PLAC1: variants seen among roughly 807,000 people sequenced by gnomAD.
The protein encoded by PLAC1 is placenta-specific protein 1.
For missense variants in PLAC1, 136 were observed against 163.2 expected (o/e 0.83, Z 0.91); for synonymous variants, 68 against 62.1 (o/e 1.09, Z -0.44).
chrX:134,672,269 G>T (rs762051078), intron 2 of PLAC1, among the ~76,000 whole-genome samples: 1 of 111,143 alleles, frequency 9.0e-6, no homozygotes, highest in South Asian at 3.9e-4. Flanking sequence ...AGATAACCTC[G>T]CAGGGTCCCC....
intron 2 of PLAC1, among the ~76,000 whole-genome samples, chrX:134,684,520 C>T (rs953731185): frequency 9.0e-6 from 1 of 110,502 alleles, no homozygotes; most frequent in Non-Finnish European, 1.9e-5. Context: ...CTTACATCCT[C>T]GAAAGACAGG....
At position 134,584,039 on chromosome X, in the gene PLAC1, G is replaced by T. The variant is rs753116405; in HGVS notation, c.-58-17299C>A. On this transcript the variant is annotated intron_variant, in intron 2 of 2. Coordinates refer to ENST00000359237, the MANE Select transcript of PLAC1 (RefSeq NM_021796.4). ...GAATGAAAAAAAAAAAAAAGAGGTT[G>T]CAGGCAGGCATCTGGGCAGGCAGAG... is the stretch of plus-strand genomic sequence containing the variant. Among the ~76,000 whole-genome samples the T allele has an allele frequency of 2.4e-3, 263 of 108,898 alleles. 3 individuals carry two copies. The highest frequency in any genetic ancestry group is 8.3e-3 in the African/African-American group (248 of 30,046). The allele number at this position is 108,898 out of a possible 115,157, so 94.6% of individuals were successfully genotyped here.
At chrX:134,585,174 A>AG (rs2077993360) in intron 2 of PLAC1, among the ~76,000 whole-genome samples, 1 of 71,229 alleles carries the variant, frequency 1.4e-5, no homozygotes, top group African/African-American at 4.8e-5. Flanking sequence ...CACTAAAAGT[A>AG]CAAAAAAAAA....
intron 2 of PLAC1, among the ~76,000 whole-genome samples, chrX:134,704,644 T>C (rs1283549002): frequency 3.8e-5 from 4 of 105,837 alleles, no homozygotes; most frequent in Non-Finnish European, 7.7e-5. Context: ...ATTTATATAT[T>C]ATATAATATT....
At chrX:134,587,296 T>C (rs1397769422) in intron 2 of PLAC1, among the ~76,000 whole-genome samples, 1 of 110,465 alleles carries the variant, frequency 9.1e-6, no homozygotes, top group African/African-American at 3.3e-5. Flanking sequence ...CTGGGGCCTA[T>C]AATGCCAGCA....
intron 1 of PLAC1, among the ~76,000 whole-genome samples, chrX:134,763,568 C>T (rs1019414877): frequency 9.9e-5 from 11 of 111,195 alleles, no homozygotes; most frequent in Admixed American, 9.6e-4. Context: ...CGCCTATAAT[C>T]CCAGCACTTT....
intron 2 of PLAC1, among the ~76,000 whole-genome samples, chrX:134,583,971 G>A (rs1424715274): frequency 1.8e-5 from 2 of 108,225 alleles, no homozygotes; most frequent in Non-Finnish European, 3.8e-5. Context: ...GCCCATGCCT[G>A]AAATAGGTGT....
chrX:134,688,702 A>G (rs1203878493), intron 2 of PLAC1, among the ~76,000 whole-genome samples: 4 of 112,100 alleles, frequency 3.6e-5, no homozygotes, highest in African/African-American at 9.7e-5. Context: ...TTACACCACA[A>G]TTTCTTTATG....
chrX:134,619,456 G>T (rs1241318575), intron 1 of PLAC1, among the ~76,000 whole-genome samples: 1 of 110,600 alleles, frequency 9.0e-6, no homozygotes, highest in African/African-American at 3.3e-5. Context: ...TTCAAGACCA[G>T]CCTGGCCAAC....
chrX:134,612,389 C>G (rs900543661), intron 1 of PLAC1, among the ~76,000 whole-genome samples: 2 of 112,201 alleles, frequency 1.8e-5, no homozygotes, highest in Non-Finnish European at 3.8e-5. Context: ...AGGAAGCTCT[C>G]AATACATAGG....
chrX:134,566,625 C>G lies in PLAC1; in HGVS notation c.58G>C (p.Gly20Arg). ...MILLTSAFSA[G>R]SGQSPMTVLC... ...ACAGTCATTGGACTTTGTCCTGAACCGGCTGAAAACGCAGAGGTGAGGAGG... is the reference window on the plus strand; with the variant it reads ...ACAGTCATTGGACTTTGTCCTGAACGGGCTGAAAACGCAGAGGTGAGGAGG... Residue 20 changes from glycine (G) to arginine (R), a missense_variant, in exon 3 of 3, where the codon GGT becomes CGT. Gly to Arg is a moderately radical substitution (Grantham distance 125). Coordinates refer to ENST00000359237, the MANE Select transcript of PLAC1 (RefSeq NM_021796.4). 1.7e-6 allele frequency: 2 copies of G among 1,207,455 alleles called. No homozygotes were observed. The highest frequency in any genetic ancestry group is 2.2e-6 in the Non-Finnish European group (2 of 892,252).
chrX:134,618,077 T>C (rs1021722424), intron 1 of PLAC1, among the ~76,000 whole-genome samples: 1 of 112,214 alleles, frequency 8.9e-6, no homozygotes, highest in African/African-American at 3.2e-5. Flanking sequence ...CTGCACCAAT[T>C]GTTCCTCCCT....
chrX:134,659,843 C>T (rs2078409198), upstream of PLAC1, among the ~76,000 whole-genome samples: 1 of 111,779 alleles, frequency 8.9e-6, no homozygotes. Flanking sequence ...AACTGAAGAA[C>T]AGAGAGATTA....
At chrX:134,653,111 G>A (rs2078372084) in intron 1 of PLAC1, among the ~76,000 whole-genome samples, 1 of 112,651 alleles carries the variant, frequency 8.9e-6, no homozygotes, top group Non-Finnish European at 1.9e-5. Context: ...CAGTCCAGGT[G>A]TGCCTGTGGG....
chrX:134,635,147 T>C (rs1173350013), intron 1 of PLAC1, among the ~76,000 whole-genome samples: 1 of 111,565 alleles, frequency 9.0e-6, no homozygotes, highest in Non-Finnish European at 1.9e-5. Context: ...GCAAGTATTT[T>C]TTACACTTGC....
intron 1 of PLAC1, among the ~76,000 whole-genome samples, chrX:134,749,363 C>T (rs1162986598): frequency 3.6e-5 from 4 of 111,619 alleles, no homozygotes; most frequent in South Asian, 3.8e-4. Flanking sequence ...GGCACGGTGA[C>T]GTTTGCCTGT....
At chrX:134,624,989 A>C (rs1304598981) in intron 1 of PLAC1, among the ~76,000 whole-genome samples, 1 of 111,753 alleles carries the variant, frequency 8.9e-6, no homozygotes, top group Non-Finnish European at 1.9e-5. Context: ...TCCTAGGTGC[A>C]ACTACAGCTA....
chrX:134,655,600 G>C (rs1020064444), intron 1 of PLAC1, among the ~76,000 whole-genome samples: 3 of 111,707 alleles, frequency 2.7e-5, no homozygotes, highest in Non-Finnish European at 3.8e-5. Context: ...TTTGTGTATT[G>C]CATCTACTTA....
At chrX:134,705,168 C>G (rs1403714490) in intron 2 of PLAC1, among the ~76,000 whole-genome samples, 1 of 106,248 alleles carries the variant, frequency 9.4e-6, no homozygotes, top group Non-Finnish European at 1.9e-5. Flanking sequence ...CGCCTGTAAT[C>G]CCAGCACTTT....
Sources: gnomAD v4.1 joint callset for allele counts (sites outside exome capture counted in the v4.1 genomes callset) on GRCh38, gnomAD v4.1.1 for gene constraint, MANE v1.5 for transcripts, NCBI Gene and HGNC (gene_info 2026-07-23, HGNC 2026-07-21) for gene names.